Variants in EGR2 observed in about 807,000 individuals in gnomAD.
The protein encoded by EGR2 is early growth response 2.
In EGR2, 2 loss-of-function variants were observed where a neutral mutation model predicts 21.2. That is an observed-to-expected ratio of 0.09 (90% confidence interval 0.04 to 0.30). EGR2 has a LOEUF of 0.30. Among genes scored for constraint, EGR2 ranks in the 10% least tolerant of loss-of-function variants. EGR2 has a pLI of 1.00. For synonymous variants in EGR2, 282 were observed against 258.2 expected (o/e 1.09, Z -0.88); for missense variants, 458 against 630.2 (o/e 0.73, Z 2.93).
chr10:62,815,123 C>T (rs1174289670), intron 1 of EGR2, among the ~76,000 whole-genome samples: 2 of 152,270 alleles, frequency 1.3e-5, no homozygotes, highest in Non-Finnish European at 1.5e-5. Flanking sequence ...CCCGCCTCAG[C>T]CCAAGGCCAG....
In EGR2 at chr10:62,813,629, C is replaced by T; in HGVS notation, c.1009G>A (p.Glu337Lys). The stretch of plus-strand genomic sequence containing the variant: ...TCTGCTGGGCACGGGTAGGGCCTCT[C>T]GTGCACCGGCGTCTTGCTGGGTCTG... ...PNRPSKTPVH[E>K]RPYPCPAEGC... The change falls in exon 2 of 2, where the codon GAG becomes AAG. Residue 337 changes from glutamate (E) to lysine (K), a missense_variant. Physicochemically the swap from Glu to Lys is moderately conservative, Grantham distance 56. Coordinates refer to ENST00000242480, the MANE Select transcript of EGR2 (RefSeq NM_000399.5). This position sits in a 1 kb window ranked among gnomAD's most constrained non-coding sequence, Gnocchi z 5.7. 1 of 1,613,000 alleles carries T rather than the reference C, an allele frequency of 6.2e-7. No individual in the cohort carries two copies. The highest frequency in any genetic ancestry group is 8.5e-7 in the Non-Finnish European group (1 of 1,180,026).
rs1048441036 is a variant in EGR2 at position 62,812,637 on chromosome 10, G to A, written c.*570C>T. The A allele has an allele frequency of 6.5e-6, 1 of 152,844 alleles. No homozygotes were observed. The allele number at this position is 152,844 out of a possible 1,614,324, so 9.5% of individuals were successfully genotyped here. ...TATAATACATATTGCTTCAAGGGTTGAGACAACTAGATATGCTCTGATTCA... is the reference window on the plus strand; with the variant it reads ...TATAATACATATTGCTTCAAGGGTTAAGACAACTAGATATGCTCTGATTCA... On this transcript the variant is annotated 3_prime_UTR_variant, in exon 2 of 2. Transcript: ENST00000242480.
At position 62,814,805 on chromosome 10, in the gene EGR2, C is replaced by T. The variant is rs1024314081; in HGVS notation, c.170-337G>A. Among the ~76,000 whole-genome samples, 5 of 152,230 alleles carry T rather than the reference C, an allele frequency of 3.3e-5. No homozygotes were observed. Among genetic ancestry groups the T allele is most frequent in the Admixed American group, 6.5e-5 (1 of 15,288 alleles). On this transcript the variant is annotated intron_variant, in intron 1 of 1. Coordinates refer to ENST00000242480, the MANE Select transcript of EGR2 (RefSeq NM_000399.5). The surrounding 1 kb of genome is among the most constrained non-coding windows in gnomAD (Gnocchi z 4.8). ...CAACAATATTTTAAAAAGCCTCATCCGCCCGGAGCTTTTCTCCCTCTTTTT... is the reference window on the plus strand; with the variant it reads ...CAACAATATTTTAAAAAGCCTCATCTGCCCGGAGCTTTTCTCCCTCTTTTT...
intron 1 of EGR2, 35 bp downstream of exon 1, chr10:62,815,826 G>A (rs776851859): frequency 6.2e-7 from 1 of 1,612,456 alleles, no homozygotes; most frequent in Non-Finnish European, 8.5e-7. Context: ...CCTCCGGGCC[G>A]CGCAGGTCCG....
chr10:62,814,049 A>C lies in EGR2; in HGVS notation c.589T>G (p.Ser197Ala), dbSNP rs1471588503. 2 of 1,613,974 alleles carry C rather than the reference A, an allele frequency of 1.2e-6. No individual in the cohort carries two copies. Among genetic ancestry groups the C allele is most frequent in the Non-Finnish European group, 1.7e-6 (2 of 1,179,992 alleles). The change falls in exon 2 of 2, where the codon TCT becomes GCT. Residue 197 changes from serine (S) to alanine (A), a missense_variant. Ser to Ala is a moderately conservative substitution (Grantham distance 99, BLOSUM62 1). This residue lies in a region of EGR2 where 253 missense variants were observed against 315.5 expected (regional missense o/e 0.80). Transcript: ENST00000242480. The surrounding 1 kb of genome is among the most constrained non-coding windows in gnomAD (Gnocchi z 4.8). ...GGTGGTGGGTAGGCCAGAGAGGAAGAGGTGGAGGTGGTGGCTGCTGACAGG... is the reference window on the plus strand; with the variant it reads ...GGTGGTGGGTAGGCCAGAGAGGAAGCGGTGGAGGTGGTGGCTGCTGACAGG... ...AFLSAATTST[S>A]SSLAYPPPPS...
In EGR2 at chr10:62,816,134, G is replaced by T; in HGVS notation, c.-105C>A. 1 of 1,605,638 alleles carries T rather than the reference G, an allele frequency of 6.2e-7. No homozygotes were observed. On this transcript the variant is annotated 5_prime_UTR_variant, in exon 1 of 2. Coordinates refer to ENST00000242480, the MANE Select transcript of EGR2 (RefSeq NM_000399.5). ...TGAGCCTGGGATGGTATCTCCTTTT[G>T]CCCTCCACACTTAAAAACAACCACC...
Position 62,813,224 on chromosome 10 carries a change from G to A in EGR2, c.1414C>T (p.Arg472Trp), listed in dbSNP as rs1353824847. ...GGGPLAPCSS[R>W]TRTP ...GTCTCATCTCAAGGTGTCCGGGTCC[G>A]AGAGGAGCAAGGGGCGAGCGGCCCT... Residue 472 changes from arginine (R) to tryptophan (W), a missense_variant, in exon 2 of 2, where the codon CGG becomes TGG. By Grantham distance (101) the Arg-to-Trp change is moderately radical. Coordinates refer to ENST00000242480, the MANE Select transcript of EGR2 (RefSeq NM_000399.5). The surrounding 1 kb of genome is among the most constrained non-coding windows in gnomAD (Gnocchi z 5.7). 1 of 1,569,074 alleles carries A rather than the reference G, an allele frequency of 6.4e-7. No individual in the cohort carries two copies.
rs1842217337 is a variant in EGR2 at position 62,814,714 on chromosome 10, C to T, written c.170-246G>A. Among the ~76,000 whole-genome samples the T allele has an allele frequency of 6.6e-6, 1 of 152,190 alleles. No individual in the cohort carries two copies. Among genetic ancestry groups the T allele is most frequent in the African/African-American group, 2.4e-5 (1 of 41,444 alleles). The stretch of plus-strand genomic sequence containing the variant: ...CCAAAAAAGCAGAATGAGCTTTTCC[C>T]AACTCCCCTCCACCCCCAGCCATCT... On this transcript the variant is annotated intron_variant, in intron 1 of 1. Coordinates refer to ENST00000242480, the MANE Select transcript of EGR2 (RefSeq NM_000399.5). The surrounding 1 kb of genome is among the most constrained non-coding windows in gnomAD (Gnocchi z 4.8).
chr10:62,815,252 C>T (rs1285672179), intron 1 of EGR2, among the ~76,000 whole-genome samples: 1 of 152,234 alleles, frequency 6.6e-6, no homozygotes, highest in Non-Finnish European at 1.5e-5. Context: ...GGGCTGCTTC[C>T]CGCCGTTGCG....
rs770478291 is a variant in EGR2, at chr10:62,814,696, A to G, written c.170-228T>C. On this transcript the variant is annotated intron_variant, in intron 1 of 1. Transcript: ENST00000242480. The surrounding 1 kb of genome is among the most constrained non-coding windows in gnomAD (Gnocchi z 4.8). ...GGAACTCAAGAACTACCTCCAAAAA[A>G]GCAGAATGAGCTTTTCCCAACTCCC... Among the ~76,000 whole-genome samples the G allele has an allele frequency of 2.9e-4, 44 of 152,194 alleles. No individual in the cohort carries two copies. The highest frequency in any genetic ancestry group is 8.8e-5 in the Non-Finnish European group (6 of 68,032).
upstream of EGR2, chr10:62,816,459 A>C (rs1006400877): frequency 3.2e-6 from 3 of 951,112 alleles, no homozygotes; most frequent in East Asian, 1.5e-4. Flanking sequence ...GGGCTGGGCC[A>C]GGCGGCTTTT....
chr10:62,815,840 C>T, intron 1 of EGR2, 21 bp downstream of exon 1: 2 of 1,613,734 alleles, frequency 1.2e-6, no homozygotes, highest in Non-Finnish European at 1.7e-6. Flanking sequence ...AGGTCCGGGC[C>T]TGCGAAGACA....
rs1312774622 is a variant in EGR2 at position 62,812,196 on chromosome 10, A to G, written c.*1011T>C. On this transcript the variant is annotated 3_prime_UTR_variant, in exon 2 of 2. Coordinates refer to ENST00000242480, the MANE Select transcript of EGR2 (RefSeq NM_000399.5). Reference sequence around the variant, plus strand: ...GTAACACTTTTAAGTCACAAAACAAAGCATACAAAAATATACTTTCTAAAA... The same window carrying G: ...GTAACACTTTTAAGTCACAAAACAAGGCATACAAAAATATACTTTCTAAAA... The G allele has an allele frequency of 6.5e-6, 1 of 152,816 alleles. No individual in the cohort carries two copies. Among genetic ancestry groups the G allele is most frequent in the Admixed American group, 6.5e-5 (1 of 15,288 alleles). The allele number at this position is 152,816 out of a possible 1,614,324, so 9.5% of individuals were successfully genotyped here.
At chr10:62,818,355 A>C (rs1838305100), upstream of EGR2, among the ~76,000 whole-genome samples, 1 of 152,226 alleles carries the variant, frequency 6.6e-6, no homozygotes. Flanking sequence ...CCCAGAGCAC[A>C]TTTGGGAAAG....
upstream of EGR2, among the ~76,000 whole-genome samples, chr10:62,818,202 C>T (rs1379507265): frequency 6.6e-6 from 1 of 151,802 alleles, no homozygotes; most frequent in Non-Finnish European, 1.5e-5. Context: ...CGCCAGCTCT[C>T]GCCGGGCCCA....
In EGR2 at chr10:62,814,355, T is replaced by G; in HGVS notation, c.283A>C (p.Lys95Gln). The G allele has an allele frequency of 6.2e-7, 1 of 1,614,104 alleles. No individual in the cohort carries two copies. The highest frequency in any genetic ancestry group is 8.5e-7 in the Non-Finnish European group (1 of 1,180,012). ...GGGTACTGAGGGTCAATGGAGAACT[T>G]GCCCATGTAAGTGAAGGTCTGGTTT... ...PRNQTFTYMGKFSIDPQYPGA... is the reference protein window; with the variant it reads ...PRNQTFTYMGQFSIDPQYPGA... The change falls in exon 2 of 2, where the codon AAG becomes CAG. Residue 95 changes from lysine (K) to glutamine (Q), a missense_variant. Physicochemically the swap from Lys to Gln is moderately conservative, Grantham distance 53. Transcript: ENST00000242480. The surrounding 1 kb of genome is among the most constrained non-coding windows in gnomAD (Gnocchi z 4.8).
chr10:62,813,654 G>A lies in EGR2; in HGVS notation c.984C>T (p.Asn328=). ...CGTGCACCGGCGTCTTGCTGGGTCT[G>A]TTGGGGTACTTGCGAGGCCTCAGAA... ...RPILRPRKYP[N]RPSKTPVHER... The change falls in exon 2 of 2, where the codon AAC becomes AAT. Residue 328 remains asparagine (N), a synonymous_variant. Transcript: ENST00000242480. The surrounding 1 kb of genome is among the most constrained non-coding windows in gnomAD (Gnocchi z 5.7). The A allele has an allele frequency of 6.2e-7, 1 of 1,613,314 alleles. No individual in the cohort carries two copies. Among genetic ancestry groups the A allele is most frequent in the East Asian group, 2.2e-5 (1 of 44,878 alleles).
At chr10:62,815,789 C>T (rs1842250843) in intron 1 of EGR2, 72 bp downstream of exon 1, 1 of 1,571,418 alleles carries the variant, frequency 6.4e-7, no homozygotes, top group South Asian at 1.1e-5. Context: ...CTGCGATTCC[C>T]GCACACCCAC....
rs1436980478 is a variant in EGR2 at position 62,812,231 on chromosome 10, A to G, written c.*976T>C. 6.5e-6 allele frequency: 1 copy of G among 152,804 alleles called. No homozygotes were observed. Among genetic ancestry groups the G allele is most frequent in the African/African-American group, 2.4e-5 (1 of 41,458 alleles). The allele number at this position is 152,804 out of a possible 1,614,324, so 9.5% of individuals were successfully genotyped here. A position where few individuals can be genotyped will look rare whatever the true frequency, so the allele number is the denominator to read the frequency against. ...AATATACTTTCTAAAAAAAATTCCA[A>G]ATATTAATAGGCAGAAATATACAGC... On this transcript the variant is annotated 3_prime_UTR_variant, in exon 2 of 2. Coordinates refer to ENST00000242480, the MANE Select transcript of EGR2 (RefSeq NM_000399.5).
Sources: allele counts gnomAD v4.1 joint callset (sites outside exome capture counted in the v4.1 genomes callset), GRCh38; gene constraint gnomAD v4.1.1; regional missense constraint gnomAD v4.1.1; non-coding constraint Gnocchi (gnomAD v3.1); transcripts MANE v1.5; gene names NCBI Gene and HGNC (gene_info 2026-07-23, HGNC 2026-07-21).